Variants in HEATR5A observed in about 807,000 individuals in gnomAD.
HEATR5A encodes HEAT repeat-containing protein 5A.
Under a neutral mutation model 218.8 loss-of-function variants are expected in HEATR5A, and 178 were observed. The observed-to-expected ratio is 0.81, with a 90% CI of 0.72 to 0.92. HEATR5A has a LOEUF of 0.92. HEATR5A is among the 40% of genes least tolerant of loss of function. The pLI is 0.00. For missense variants in HEATR5A, 2,420 were observed against 2,418.9 expected, an observed-to-expected ratio of 1.00 and a Z score of -0.01; for synonymous variants, 864 against 871.6, an observed-to-expected ratio of 0.99 and a Z score of 0.15.
intron 16 of HEATR5A, among the ~76,000 whole-genome samples, chr14:31,351,555 A>C (rs1485650072): frequency 6.6e-6 from 1 of 152,076 alleles, no homozygotes; most frequent in East Asian, 1.9e-4. Flanking sequence ...CTAAAAAGGT[A>C]ATGTTAAATG....
intron 18 of HEATR5A, 55 bp downstream of exon 18, chr14:31,349,734 G>T: frequency 8.4e-7 from 1 of 1,197,440 alleles, no homozygotes; most frequent in Non-Finnish European, 1.2e-6. Context: ...AAGCCAGAAA[G>T]CTATACCCAG....
At chr14:31,342,007 T>C (rs958547537) in intron 21 of HEATR5A, among the ~76,000 whole-genome samples, 2 of 152,166 alleles carry the variant, frequency 1.3e-5, no homozygotes, top group African/African-American at 4.8e-5. Flanking sequence ...CTGTAAGTGC[T>C]GTTTTCCCTA....
chr14:31,348,216 T>C (rs1864417994), intron 18 of HEATR5A, among the ~76,000 whole-genome samples: 1 of 152,152 alleles, frequency 6.6e-6, no homozygotes, highest in Admixed American at 6.5e-5. Flanking sequence ...TATCATTAAG[T>C]TACATTTTAA....
Position 31,398,693 on chromosome 14 carries a change from T to C in HEATR5A, c.427A>G (p.Lys143Glu), listed in dbSNP as rs2030753153. 1.3e-6 allele frequency: 2 copies of C among 1,520,790 alleles called. No individual in the cohort carries two copies. The highest frequency in any genetic ancestry group is 1.8e-6 in the Non-Finnish European group (2 of 1,132,590). The allele number at this position is 1,520,790 out of a possible 1,614,324, so 94.2% of individuals were successfully genotyped here. ...CTTACCTCTGCACTCTTCATAGCTT[T>C]AAGAATATTCCCCACTGTATCAGTA... is the stretch of plus-strand genomic sequence containing the variant. ...TFTDTVGNIL[K>E]AMKSAESQGR... The change falls in exon 4 of 36, where the codon AAA (lysine) becomes GAA (glutamate). Residue 143 changes from lysine (K) to glutamate (E), a missense_variant. Lys to Glu is a moderately conservative substitution (Grantham distance 56). Transcript: ENST00000543095.
At chr14:31,327,411 A>G (rs541803043) in intron 22 of HEATR5A, among the ~76,000 whole-genome samples, 8 of 147,300 alleles carry the variant, frequency 5.4e-5, no homozygotes, top group African/African-American at 2.0e-4. Context: ...CTCCTGTCTC[A>G]GCCTGCTGAG....
chr14:31,357,419 G>A (rs1901461778), intron 16 of HEATR5A, among the ~76,000 whole-genome samples: 1 of 152,184 alleles, frequency 6.6e-6, no homozygotes, highest in East Asian at 1.9e-4. Context: ...CTAGTCAAAT[G>A]CATGGTTGTT....
intron 1 of HEATR5A, among the ~76,000 whole-genome samples, chr14:31,416,301 T>C (rs1291886977): frequency 6.6e-6 from 1 of 152,146 alleles, no homozygotes; most frequent in Non-Finnish European, 1.5e-5. Context: ...TTTGTATTTT[T>C]AGTAGAGACG....
intron 27 of HEATR5A, among the ~76,000 whole-genome samples, chr14:31,314,226 G>A (rs1899844764): frequency 1.3e-5 from 2 of 152,038 alleles, no homozygotes; most frequent in African/African-American, 2.4e-5. Context: ...GGGATTATAG[G>A]CGTGAGCCAC....
intron 1 of HEATR5A, among the ~76,000 whole-genome samples, chr14:31,405,327 G>A (rs935413538): frequency 6.6e-6 from 1 of 152,092 alleles, no homozygotes; most frequent in African/African-American, 2.4e-5. Context: ...CCAGCTGATT[G>A]GGAGGTTGAG....
In HEATR5A at chr14:31,387,212, C is replaced by T. The variant is rs202041483; in HGVS notation, c.1097G>A (p.Arg366Gln). Residue 366 changes from arginine to glutamine, a missense_variant, in exon 8 of 36, where the codon CGA (arginine) becomes CAA (glutamine). Transcript: ENST00000543095. ...TCCAAGAAGACCACCTATAGTAGTT[C>T]GAAGAATAAATGAAACACAACGGCG... ...CCRRCVSFIL[R>Q]TTIGGLLGEK... 242 of 1,613,628 alleles carry T rather than the reference C, an allele frequency of 1.5e-4. No individual in the cohort carries two copies. Among genetic ancestry groups the T allele is most frequent in the African/African-American group, 4.4e-4 (33 of 74,808 alleles).
At chr14:31,326,733 C>T (rs2139174351) in intron 22 of HEATR5A, among the ~76,000 whole-genome samples, 1 of 152,206 alleles carries the variant, frequency 6.6e-6, no homozygotes, top group South Asian at 2.1e-4. Flanking sequence ...ACCTCCGCCT[C>T]CCAGGTTCAA....
rs1486793342 is a variant in HEATR5A, at chr14:31,387,033, AAT to A, written c.1189+85_1189+86del. 3.1e-6 allele frequency: 4 copies of A among 1,272,896 alleles called. No homozygotes were observed. The African/African-American group carries it at 4.5e-5, about 14-fold the overall frequency. 78.9% of individuals were successfully genotyped at this position (1,272,896 alleles called of 1,614,324 possible). A position where few individuals can be genotyped will look rare whatever the true frequency, so the allele number is the denominator to read the frequency against. ...TATCAGCCTTCAAGGTTTCTGTATT[AAT>A]ATAGTATTATATATCAGTCTAGCTT... On this transcript the variant is annotated intron_variant, in intron 8 of 35. Coordinates refer to ENST00000543095, the MANE Select transcript of HEATR5A (RefSeq NM_015473.4).
At chr14:31,356,385 C>G (rs893397421) in intron 16 of HEATR5A, among the ~76,000 whole-genome samples, 3 of 152,162 alleles carry the variant, frequency 2.0e-5, no homozygotes, top group Non-Finnish European at 4.4e-5. Flanking sequence ...TACAGTTGCA[C>G]ACCACCATGC....
intron 13 of HEATR5A, among the ~76,000 whole-genome samples, chr14:31,370,444 T>C (rs1901997232): frequency 1.3e-5 from 2 of 152,196 alleles, no homozygotes; most frequent in African/African-American, 2.4e-5. Context: ...TGGGGTAGAA[T>C]TGATAACTGA....
intron 31 of HEATR5A, among the ~76,000 whole-genome samples, chr14:31,305,700 AC>A (rs758743979): frequency 5.3e-4 from 80 of 152,326 alleles, no homozygotes; most frequent in Admixed American, 3.5e-3. Flanking sequence ...TGTCAGCCTT[AC>A]AATATTGCCT....
rs1461274544 is a variant in HEATR5A, at chr14:31,304,887, T to C, written c.5239+18A>G. 1.9e-5 allele frequency: 30 copies of C among 1,609,010 alleles called. No homozygotes were observed. Among genetic ancestry groups the C allele is most frequent in the Non-Finnish European group, 2.2e-5 (26 of 1,178,738 alleles). On this transcript the variant is annotated intron_variant, in intron 32 of 35. Transcript: ENST00000543095. Reference sequence around the variant, plus strand: ...TTCTCTTCTAGGTCAAGTCAAGCAATCACATACCACAGCATACCTTCAGGA... The same window carrying C: ...TTCTCTTCTAGGTCAAGTCAAGCAACCACATACCACAGCATACCTTCAGGA...
At chr14:31,318,371 AAATT>A (rs2139159570) in intron 25 of HEATR5A, 79 bp from the exon 26 acceptor site, 1 of 1,150,796 alleles carries the variant, frequency 8.7e-7, no homozygotes, top group Non-Finnish European at 1.3e-6. Flanking sequence ...TGTTATTTTA[AAATT>A]ATTTATTTAT....
chr14:31,381,360 G>A (rs962736181), intron 10 of HEATR5A, among the ~76,000 whole-genome samples: 1 of 151,994 alleles, frequency 6.6e-6, no homozygotes, highest in Non-Finnish European at 1.5e-5. Flanking sequence ...TCATACTGAA[G>A]AGTGAAATTT....
At position 31,371,825 on chromosome 14, in the gene HEATR5A, A is replaced by G. The variant is rs1167102009; in HGVS notation, c.1946T>C (p.Val649Ala). 2.6e-6 allele frequency: 4 copies of G among 1,527,144 alleles called. No individual in the cohort carries two copies. The East Asian group carries it at 9.9e-5, about 38-fold the overall frequency. 94.6% of individuals were successfully genotyped at this position (1,527,144 alleles called of 1,614,324 possible). The change falls in exon 13 of 36, where the codon GTG becomes GCG. Residue 649 changes from valine to alanine, a missense_variant. Val to Ala is a moderately conservative substitution (Grantham distance 64). Transcript: ENST00000543095. Reference protein sequence around the residue: ...QRLLPPLPCAVDLLTQLSSIL... With the variant: ...QRLLPPLPCAADLLTQLSSIL... ...CGATGCTTACTGAGTTAGCAAATCC[A>G]CAGCACAAGGAAGTGGTGGAAGAAG...
Sources: gnomAD v4.1 joint callset for allele counts (sites outside exome capture counted in the v4.1 genomes callset) on GRCh38, gnomAD v4.1.1 for gene constraint, MANE v1.5 for transcripts, NCBI Gene and HGNC (gene_info 2026-07-23, HGNC 2026-07-21) for gene names.